Variants in CHL1 observed in about 807,000 individuals in gnomAD.
The protein encoded by CHL1 is cell adhesion molecule L1 like.
In CHL1, 96 loss-of-function variants were observed where a neutral mutation model predicts 141.9. The ratio of observed to expected loss-of-function variants is 0.68; its 90% CI spans 0.57 to 0.80. The LOEUF is 0.80. Among genes scored for constraint, CHL1 ranks in the 30% least tolerant of loss-of-function variants. The pLI is 0.00. For synonymous variants in CHL1, 613 were observed against 502.2 expected, an observed-to-expected ratio of 1.22 and a Z score of -2.95; for missense variants, 1,820 against 1,457.2, an observed-to-expected ratio of 1.25 and a Z score of -4.05.
chr3:363,400 G>A lies in CHL1; in HGVS notation c.1585+17G>A, dbSNP rs372485351. On this transcript the variant is annotated intron_variant, in intron 14 of 27. Transcript: ENST00000256509. ...ATATTAGAAGTATTTTTATTTCACT[G>A]TTACTTTGCATGAATTGTCACATGG... 1 of 1,600,678 alleles carries A rather than the reference G, an allele frequency of 6.2e-7. No homozygotes were observed. Among genetic ancestry groups the A allele is most frequent in the Non-Finnish European group, 8.5e-7 (1 of 1,172,382 alleles).
chr3:344,707 C>A lies in CHL1; in HGVS notation c.846C>A (p.Gly282=). ...EILLLECFAE[G]LPTPQVDWNK... ...TGCTGCTTGAGTGTTTTGCTGAAGG[C>A]TTGTGAGTAACCTGACTCTCACTCA... Residue 282 remains glycine, a splice_region_variant and synonymous_variant, in exon 9 of 28, where the codon GGC becomes GGA. Transcript: ENST00000256509. 1.9e-6 allele frequency: 3 copies of A among 1,613,416 alleles called. No individual in the cohort carries two copies. Among genetic ancestry groups the A allele is most frequent in the Non-Finnish European group, 2.5e-6 (3 of 1,179,680 alleles).
At chr3:322,859 A>G (rs940599334) in intron 3 of CHL1, among the ~76,000 whole-genome samples, 2 of 151,000 alleles carry the variant, frequency 1.3e-5, no homozygotes, top group Admixed American at 1.3e-4. Flanking sequence ...GTGATATTTA[A>G]TGTCCATATA....
intron 1 of CHL1, among the ~76,000 whole-genome samples, chr3:216,258 A>G (rs1700311627): frequency 6.6e-6 from 1 of 152,204 alleles, no homozygotes; most frequent in African/African-American, 2.4e-5. Context: ...GGCTCAAAAA[A>G]CCAGAAACTA....
intron 1 of CHL1, among the ~76,000 whole-genome samples, chr3:200,742 G>C (rs544739492): frequency 6.6e-6 from 1 of 152,278 alleles, no homozygotes; most frequent in Non-Finnish European, 1.5e-5. Flanking sequence ...TGCTATTAAA[G>C]TGAAATCTCT....
intron 1 of CHL1, among the ~76,000 whole-genome samples, chr3:201,559 A>T (rs527806406): frequency 3.3e-5 from 5 of 152,206 alleles, no homozygotes; most frequent in Admixed American, 3.3e-4. Context: ...TTTCAATAAG[A>T]ATCACAACTA....
intron 3 of CHL1, among the ~76,000 whole-genome samples, chr3:324,158 A>C (rs2125059816): frequency 6.6e-6 from 1 of 152,198 alleles, no homozygotes; most frequent in Non-Finnish European, 1.5e-5. Flanking sequence ...AGAACAATTT[A>C]TCTAGGCTAA....
At position 363,383 on chromosome 3, in the gene CHL1, A is replaced by G. The variant is rs1704482063; in HGVS notation, c.1585A>G (p.Asn529Asp). ...TAVTANLDIR[N>D]ATKLRVSPKN... ...AGTCACAGCCAATTTGGATATTAGA[A>G]GTATTTTTATTTCACTGTTACTTTG... The change falls in exon 14 of 28, where the codon AAT becomes GAT. Residue 529 changes from asparagine to aspartate, a missense_variant and splice_region_variant. By Grantham distance (23) the Asn-to-Asp change is conservative. Transcript: ENST00000256509. 4 of 1,608,820 alleles carry G rather than the reference A, an allele frequency of 2.5e-6. No homozygotes were observed. The East Asian group carries it at 8.9e-5, about 36-fold the overall frequency.
intron 9 of CHL1, among the ~76,000 whole-genome samples, chr3:346,923 A>G (rs748592791): frequency 1.3e-5 from 2 of 152,178 alleles, no homozygotes; most frequent in Admixed American, 6.5e-5. Context: ...TGTCTAATAC[A>G]TTTTACTTGA....
chr3:379,086 C>A (rs979779207), intron 16 of CHL1, among the ~76,000 whole-genome samples: 3 of 152,054 alleles, frequency 2.0e-5, no homozygotes, highest in Non-Finnish European at 4.4e-5. Flanking sequence ...TATCAACAGA[C>A]CTTTGTGTCT....
intron 1 of CHL1, among the ~76,000 whole-genome samples, chr3:242,681 AAC>A (rs71634793): frequency 0.064 from 9,165 of 142,868 alleles, 413 homozygotes; most frequent in African/African-American, 0.12. Flanking sequence ...CATGCACACA[AAC>A]ACACACACAC....
At chr3:199,163 G>A (rs550381509) in intron 1 of CHL1, among the ~76,000 whole-genome samples, 5 of 152,292 alleles carry the variant, frequency 3.3e-5, no homozygotes, top group African/African-American at 1.2e-4. Flanking sequence ...CTTAAGTGCT[G>A]CAGTGGATTT....
intron 1 of CHL1, among the ~76,000 whole-genome samples, chr3:230,845 T>C (rs1257845209): frequency 6.6e-6 from 1 of 152,208 alleles, no homozygotes; most frequent in Non-Finnish European, 1.5e-5. Context: ...CTTTTTTCAG[T>C]TCCACTTTGT....
intron 1 of CHL1, among the ~76,000 whole-genome samples, chr3:240,347 G>T (rs9845557): frequency 6.6e-6 from 1 of 152,188 alleles, no homozygotes; most frequent in Non-Finnish European, 1.5e-5. Flanking sequence ...CTGATCATTA[G>T]TGATGTTGAG....
chr3:394,840 T>C lies in CHL1; in HGVS notation c.3062T>C (p.Ile1021Thr). ...ACTSQGCGKP[I>T]TEESSTLGEG... ...ACTTCACAGGGCTGTGGAAAACCGATCACGGAGGAAAGCTCCACCTTAGGA... is the reference window on the plus strand; with the variant it reads ...ACTTCACAGGGCTGTGGAAAACCGACCACGGAGGAAAGCTCCACCTTAGGA... The change falls in exon 24 of 28, where the codon ATC becomes ACC. Residue 1021 changes from isoleucine to threonine, a missense_variant. By Grantham distance (89) the Ile-to-Thr change is moderately conservative. Transcript: ENST00000256509. The C allele has an allele frequency of 6.2e-7, 1 of 1,613,316 alleles. No individual in the cohort carries two copies. The highest frequency in any genetic ancestry group is 8.5e-7 in the Non-Finnish European group (1 of 1,179,710).
At chr3:227,025 T>C (rs1053791953) in intron 1 of CHL1, among the ~76,000 whole-genome samples, 2 of 152,116 alleles carry the variant, frequency 1.3e-5, no homozygotes, top group African/African-American at 2.4e-5. Context: ...TCACCAGGAG[T>C]CTTCATAGGT....
intron 15 of CHL1, among the ~76,000 whole-genome samples, chr3:372,401 C>A (rs1392930830): frequency 6.6e-6 from 1 of 152,118 alleles, no homozygotes; most frequent in Non-Finnish European, 1.5e-5. Context: ...GTAGCTTTGG[C>A]TACTGATACT....
At chr3:360,517 T>A in intron 12 of CHL1, 93 bp downstream of exon 12, 1 of 1,240,680 alleles carries the variant, frequency 8.1e-7, no homozygotes, top group Admixed American at 2.4e-5. Context: ...TGACACATAA[T>A]ATATGGAGGG....
intron 2 of CHL1, among the ~76,000 whole-genome samples, chr3:260,477 A>C (rs1694616218): frequency 6.6e-6 from 1 of 152,188 alleles, no homozygotes; most frequent in Non-Finnish European, 1.5e-5. Context: ...CAGAGGTAAA[A>C]GGGCCTTATT....
chr3:325,544 C>T (rs914408255), intron 3 of CHL1, among the ~76,000 whole-genome samples: 3 of 151,898 alleles, frequency 2.0e-5, no homozygotes, highest in African/African-American at 7.2e-5. Context: ...AAAAGCAGTA[C>T]ATTAATTATA....
Sources: allele counts gnomAD v4.1 joint callset (sites outside exome capture counted in the v4.1 genomes callset), GRCh38; gene constraint gnomAD v4.1.1; transcripts MANE v1.5; gene names NCBI Gene and HGNC (gene_info 2026-07-23, HGNC 2026-07-21).